SLCO2A1: variants seen among roughly 807,000 people sequenced by gnomAD.
The protein encoded by SLCO2A1 is matrin F/G 1.
Under a neutral mutation model 71.7 loss-of-function variants are expected in SLCO2A1, and 60 were observed. That is an observed-to-expected ratio of 0.84 (90% confidence interval 0.68 to 1.04). The LOEUF (loss-of-function observed/expected upper bound fraction) is 1.04, where lower values mean the gene tolerates loss of function less well. Among genes scored for constraint, SLCO2A1 ranks in the 50% least tolerant of loss-of-function variants. The pLI, the probability that SLCO2A1 is intolerant of heterozygous loss-of-function variation, is 0.00. For missense variants in SLCO2A1, 745 were observed against 813.4 expected (o/e 0.92, Z 1.02); for synonymous variants, 308 against 326.7 (o/e 0.94, Z 0.62).
intron 1 of SLCO2A1, among the ~76,000 whole-genome samples, chr3:134,029,496 GCA>G (rs796767479): frequency 8.6e-6 from 1 of 115,788 alleles, no homozygotes; most frequent in African/African-American, 4.0e-5. Flanking sequence ...ACACTCGCAC[GCA>G]CACACACACG....
At chr3:134,020,852 A>C (rs1340934675) in intron 1 of SLCO2A1, among the ~76,000 whole-genome samples, 3 of 151,174 alleles carry the variant, frequency 2.0e-5, no homozygotes, top group Non-Finnish European at 4.4e-5. Context: ...TGGTCGTGAG[A>C]ACTTGCCCAC....
At chr3:133,990,558 C>T (rs1364356281) in intron 1 of SLCO2A1, among the ~76,000 whole-genome samples, 1 of 152,084 alleles carries the variant, frequency 6.6e-6, no homozygotes, top group Non-Finnish European at 1.5e-5. Flanking sequence ...GTCCCGATAC[C>T]ACCTTTACTT....
intron 1 of SLCO2A1, among the ~76,000 whole-genome samples, chr3:133,999,775 T>C (rs13074733): frequency 0.41 from 61,936 of 151,732 alleles, 14,388 homozygotes; most frequent in Middle Eastern, 0.59. Context: ...TGATTAGAGG[T>C]CTGAAAAAGA....
In SLCO2A1 at chr3:134,029,868, G is replaced by A. The variant is rs924086229; in HGVS notation, c.-66C>T. On this transcript the variant is annotated 5_prime_UTR_variant, in exon 1 of 14. Coordinates refer to ENST00000310926, the MANE Select transcript of SLCO2A1 (RefSeq NM_005630.3). ...GGGGCGCCTCGGGCTGGAGCGGCCG[G>A]GCGGGTGAGAGGCGACCGCGGCGGC... 9.8e-7 allele frequency: 1 copy of A among 1,023,576 alleles called. No homozygotes were observed. Among genetic ancestry groups the A allele is most frequent in the Admixed American group, 4.4e-5 (1 of 22,928 alleles). The allele number at this position is 1,023,576 out of a possible 1,614,324, so 63.4% of individuals were successfully genotyped here. A position where few individuals can be genotyped will look rare whatever the true frequency, so the allele number is the denominator to read the frequency against.
chr3:134,024,998 G>A (rs1177493462), intron 1 of SLCO2A1, among the ~76,000 whole-genome samples: 1 of 151,988 alleles, frequency 6.6e-6, no homozygotes, highest in African/African-American at 2.4e-5. Context: ...TGAGCAGTAT[G>A]TGGACGGGAG....
Position 133,942,794 on chromosome 3 carries a change from G to C in SLCO2A1, c.1462-26C>G, listed in dbSNP as rs769571128. ...CTTCAAGAGGAAGGGGAGGGAAAAAGGGGGAAATTTGTTATTATTTCACTT... is the reference window on the plus strand; with the variant it reads ...CTTCAAGAGGAAGGGGAGGGAAAAACGGGGAAATTTGTTATTATTTCACTT... On this transcript the variant is annotated intron_variant, in intron 10 of 13. Coordinates refer to ENST00000310926, the MANE Select transcript of SLCO2A1 (RefSeq NM_005630.3). 5.1e-6 allele frequency: 8 copies of C among 1,578,616 alleles called. No individual in the cohort carries two copies. In the Admixed American group the frequency reaches 1.4e-4, roughly 28 times the overall value.
At position 133,968,627 on chromosome 3, in the gene SLCO2A1, C is replaced by T. The variant is rs551500345; in HGVS notation, c.397+5036G>A. On this transcript the variant is annotated intron_variant, in intron 3 of 13. Transcript: ENST00000310926. The stretch of plus-strand genomic sequence containing the variant: ...TAACCTCCAGGAAGCTTCCTGCCTG[C>T]GGCATCCATTGTCTGCATGTGGGCA... Among the ~76,000 whole-genome samples, 9 of 152,364 alleles carry T rather than the reference C, an allele frequency of 5.9e-5. No homozygotes were observed. In the South Asian group the frequency reaches 1.4e-3, roughly 25 times the overall value.
intron 5 of SLCO2A1, among the ~76,000 whole-genome samples, chr3:133,952,353 C>T (rs1192284962): frequency 1.3e-5 from 2 of 152,226 alleles, no homozygotes; most frequent in African/African-American, 2.4e-5. Flanking sequence ...GCAACTAGCA[C>T]CTGCCAGATA....
intron 1 of SLCO2A1, among the ~76,000 whole-genome samples, chr3:134,023,775 T>G (rs938851029): frequency 2.0e-5 from 3 of 152,174 alleles, no homozygotes; most frequent in Admixed American, 6.5e-5. Flanking sequence ...ACAAAAGCAA[T>G]TGTTATGCTT....
intron 1 of SLCO2A1, among the ~76,000 whole-genome samples, chr3:134,027,678 C>G (rs1429751919): frequency 1.3e-5 from 2 of 152,214 alleles, no homozygotes; most frequent in Non-Finnish European, 2.9e-5. Context: ...ATATGTGCAA[C>G]CCATCCCCCA....
chr3:134,023,823 T>C (rs1935644998), intron 1 of SLCO2A1, among the ~76,000 whole-genome samples: 1 of 152,322 alleles, frequency 6.6e-6, no homozygotes, highest in Admixed American at 6.5e-5. Context: ...CTGTCCCCTT[T>C]CCACTAAGGT....
Position 133,934,474 on chromosome 3 carries a change from A to G in SLCO2A1, c.*239T>C. The G allele has an allele frequency of 2.6e-6, 1 of 385,574 alleles. No homozygotes were observed. The allele number at this position is 385,574 out of a possible 1,614,324, so 23.9% of individuals were successfully genotyped here. ...CCTGGGCATCTGGGGGCCTCTTCCAAGGGGCCAGGGAAGACTCAGCCCCCC... is the reference window on the plus strand; with the variant it reads ...CCTGGGCATCTGGGGGCCTCTTCCAGGGGGCCAGGGAAGACTCAGCCCCCC... On this transcript the variant is annotated 3_prime_UTR_variant, in exon 14 of 14. Coordinates refer to ENST00000310926, the MANE Select transcript of SLCO2A1 (RefSeq NM_005630.3).
At position 133,953,728 on chromosome 3, in the gene SLCO2A1, G is replaced by T; in HGVS notation, c.659C>A (p.Ala220Asp). The T allele has an allele frequency of 6.2e-7, 1 of 1,614,176 alleles. No homozygotes were observed. The highest frequency in any genetic ancestry group is 8.5e-7 in the Non-Finnish European group (1 of 1,180,032). The part of the protein sequence containing the change: ...ILFAISVFGP[A>D]FGYLLGSVML... ...GACAGAGCCCAGCAGGTACCCGAAA[G>T]CCGGTCCAAATACAGAGATGGCAAA... Residue 220 changes from alanine (A) to aspartate (D), a missense_variant, in exon 5 of 14, where the codon GCT (alanine) becomes GAT (aspartate). Coordinates refer to ENST00000310926, the MANE Select transcript of SLCO2A1 (RefSeq NM_005630.3).
chr3:133,947,198 G>T, intron 9 of SLCO2A1, 58 bp downstream of exon 9: 1 of 1,431,338 alleles, frequency 7.0e-7, no homozygotes, highest in East Asian at 2.3e-5. Context: ...ATGTATAACA[G>T]CCAGATCTAA....
chr3:133,967,808 CA>C (rs1934217885), intron 3 of SLCO2A1, among the ~76,000 whole-genome samples: 2 of 141,308 alleles, frequency 1.4e-5, no homozygotes, highest in Non-Finnish European at 1.6e-5. Context: ...CCTTCACAGG[CA>C]CCCCACCCCA....
At chr3:133,948,828 T>A in intron 7 of SLCO2A1, 65 bp downstream of exon 7, 1 of 1,587,018 alleles carries the variant, frequency 6.3e-7, no homozygotes, top group Non-Finnish European at 8.6e-7. Flanking sequence ...GGGGCTGGGG[T>A]CCCCCTGGCC....
At chr3:134,015,566 C>A (rs1254198974) in intron 1 of SLCO2A1, among the ~76,000 whole-genome samples, 1 of 151,916 alleles carries the variant, frequency 6.6e-6, no homozygotes, top group Non-Finnish European at 1.5e-5. Flanking sequence ...ATATATATTT[C>A]AAAACAATAG....
At position 133,933,768 on chromosome 3, in the gene SLCO2A1, C is replaced by T. The variant is rs1933199320; in HGVS notation, c.*945G>A. The T allele has an allele frequency of 6.6e-6, 1 of 152,232 alleles. No individual in the cohort carries two copies. Among genetic ancestry groups the T allele is most frequent in the African/African-American group, 2.4e-5 (1 of 41,458 alleles). 9.4% of individuals were successfully genotyped at this position (152,232 alleles called of 1,614,324 possible). A position where few individuals can be genotyped will look rare whatever the true frequency, so the allele number is the denominator to read the frequency against. ...ACTCCTCGGAATACGGGCTGAAGTCCAGACAGGGAAGTGCATGTGAAGCCA... is the reference window on the plus strand; with the variant it reads ...ACTCCTCGGAATACGGGCTGAAGTCTAGACAGGGAAGTGCATGTGAAGCCA... On this transcript the variant is annotated 3_prime_UTR_variant, in exon 14 of 14. Coordinates refer to ENST00000310926, the MANE Select transcript of SLCO2A1 (RefSeq NM_005630.3).
In SLCO2A1 at chr3:133,973,888, A is replaced by C; in HGVS notation, c.235-63T>G. ...CCCTGTCCTCACCCACCCACAGAGA[A>C]GACCCGATCACACTTCATCCAGGAA... On this transcript the variant is annotated intron_variant, in intron 2 of 13. Coordinates refer to ENST00000310926, the MANE Select transcript of SLCO2A1 (RefSeq NM_005630.3). The C allele has an allele frequency of 3.4e-6, 5 of 1,492,118 alleles. No individual in the cohort carries two copies. In the South Asian group the frequency reaches 5.0e-5, roughly 15 times the overall value. 92.4% of individuals were successfully genotyped at this position (1,492,118 alleles called of 1,614,324 possible). A position where few individuals can be genotyped will look rare whatever the true frequency, so the allele number is the denominator to read the frequency against.
Sources: allele counts gnomAD v4.1 joint callset (sites outside exome capture counted in the v4.1 genomes callset), GRCh38; gene constraint gnomAD v4.1.1; transcripts MANE v1.5; gene names NCBI Gene and HGNC (gene_info 2026-07-23, HGNC 2026-07-21).